The following TNFAIP1 variants were observed in gnomAD, a reference collection of about 807,000 sequenced individuals.
TNFAIP1 encodes TNF alpha induced protein 1, also known as BTB/POZ domain-containing adapter for CUL3-mediated RhoA degradation protein 2.
Under a neutral mutation model 32.6 loss-of-function variants are expected in TNFAIP1, and 20 were observed. The observed-to-expected ratio is 0.61, with a 90% CI of 0.43 to 0.89. The LOEUF is 0.89. TNFAIP1 is among the 40% of genes least tolerant of loss of function. The pLI is 0.00. For synonymous variants in TNFAIP1, 166 were observed against 166.8 expected (o/e 1.00, Z 0.04); for missense variants, 319 against 425.1 (o/e 0.75, Z 2.20).
In TNFAIP1 at chr17:28,340,228, C is replaced by T. The variant is rs1019849940; in HGVS notation, c.206-81C>T. The T allele has an allele frequency of 1.4e-5, 21 of 1,484,008 alleles. No homozygotes were observed. The highest frequency in any genetic ancestry group is 7.0e-5 in the African/African-American group (5 of 71,782). 91.9% of individuals were successfully genotyped at this position (1,484,008 alleles called of 1,614,324 possible). A position where few individuals can be genotyped will look rare whatever the true frequency, so the allele number is the denominator to read the frequency against. On this transcript the variant is annotated intron_variant, in intron 2 of 6. Coordinates refer to ENST00000226225, the MANE Select transcript of TNFAIP1 (RefSeq NM_021137.5). This position sits in a 1 kb window ranked among gnomAD's most constrained non-coding sequence, Gnocchi z 4.1. ...GTGGACCCCCTTCCCTGCCACCTGC[C>T]GCCAGCTTGTCAGGTGGCCTTTGCC... is the stretch of plus-strand genomic sequence containing the variant.
Position 28,339,473 on chromosome 17 carries a change from G to A in TNFAIP1, c.-49G>A. ...TCGTGACCCTTTCCACCACGGCGGA[G>A]CCTTCCAAGCCTACCTCCTGCCGTG... On this transcript the variant is annotated 5_prime_UTR_variant, in exon 2 of 7. Transcript: ENST00000226225. The A allele has an allele frequency of 6.6e-7, 1 of 1,526,390 alleles. No homozygotes were observed. Among genetic ancestry groups the A allele is most frequent in the Non-Finnish European group, 8.8e-7 (1 of 1,136,940 alleles). 94.6% of individuals were successfully genotyped at this position (1,526,390 alleles called of 1,614,324 possible). A position where few individuals can be genotyped will look rare whatever the true frequency, so the allele number is the denominator to read the frequency against.
In TNFAIP1 at chr17:28,340,442, C is replaced by T. The variant is rs1404851494; in HGVS notation, c.339C>T (p.Ile113=). Residue 113 remains isoleucine (I), a synonymous_variant, in exon 3 of 7, where the codon ATC becomes ATT. Coordinates refer to ENST00000226225, the MANE Select transcript of TNFAIP1 (RefSeq NM_021137.5). This position sits in a 1 kb window ranked among gnomAD's most constrained non-coding sequence, Gnocchi z 4.1. ...TGGCTGAAGCAAAGTATTACCTCAT[C>T]CAGGGGCTGGTGAATATGTGCCAGA... The part of the protein sequence containing the change: ...ELMAEAKYYL[I]QGLVNMCQSA... 11 of 1,614,040 alleles carry T rather than the reference C, an allele frequency of 6.8e-6. No homozygotes were observed. The highest frequency in any genetic ancestry group is 9.3e-6 in the Non-Finnish European group (11 of 1,179,986).
chr17:28,341,174 A>AT, intron 3 of TNFAIP1, 63 bp from the exon 4 acceptor site: 2 of 1,580,106 alleles, frequency 1.3e-6, no homozygotes, highest in Non-Finnish European at 1.7e-6. Flanking sequence ...CTCCAGAGGT[A>AT]TACCTCGATA....
chr17:28,338,025 T>C (rs782624174), intron 1 of TNFAIP1, among the ~76,000 whole-genome samples: 2 of 152,252 alleles, frequency 1.3e-5, no homozygotes, highest in South Asian at 2.1e-4. Context: ...AAATTCCTGT[T>C]ATGATGCTTC....
chr17:28,344,864 G>A lies in TNFAIP1; in HGVS notation c.*264G>A, dbSNP rs546563236. On this transcript the variant is annotated 3_prime_UTR_variant, in exon 7 of 7. Transcript: ENST00000226225. ...CGACGGAGCTGCTTCTGCTCCCTGG[G>A]GCATATGGACTGACCCACCTCCTGC... 1.4e-4 allele frequency: 75 copies of A among 528,940 alleles called. No homozygotes were observed. The highest frequency in any genetic ancestry group is 2.2e-4 in the Non-Finnish European group (64 of 290,834). The allele number at this position is 528,940 out of a possible 1,614,324, so 32.8% of individuals were successfully genotyped here.
At chr17:28,337,588 G>A (rs2142381209) in intron 1 of TNFAIP1, among the ~76,000 whole-genome samples, 1 of 152,096 alleles carries the variant, frequency 6.6e-6, no homozygotes, top group South Asian at 2.1e-4. Flanking sequence ...GACTGGTCTT[G>A]AACTCCTGGG....
intron 1 of TNFAIP1, among the ~76,000 whole-genome samples, chr17:28,339,023 GA>G (rs1187064479): frequency 1.6e-4 from 23 of 147,680 alleles, no homozygotes; most frequent in Non-Finnish European, 3.1e-4. Flanking sequence ...CTGCGCTCAG[GA>G]ATTCGAGACC....
Position 28,340,879 on chromosome 17 carries a change from G to A in TNFAIP1, c.376-358G>A, listed in dbSNP as rs536884849. On this transcript the variant is annotated intron_variant, in intron 3 of 6. Transcript: ENST00000226225. This position sits in a 1 kb window ranked among gnomAD's most constrained non-coding sequence, Gnocchi z 4.1. ...CGTGATTTGGCCTTCAGAGTAGCTG[G>A]GAATGCCAGCATGCGCCATGGCACC... 2.9e-4 allele frequency among the ~76,000 whole-genome samples: 44 copies of A among 152,240 alleles called. No homozygotes were observed. The highest frequency in any genetic ancestry group is 5.7e-4 in the Non-Finnish European group (39 of 68,012).
chr17:28,344,447 G>C lies in TNFAIP1; in HGVS notation c.798G>C (p.Leu266Phe). ...CTCCCCGCGTCCCCGACAACTCCTT[G>C]TTGGAGGCCACAAGCCGTAGCCGCA... ...YETPRVPDNSLLEATSRSRSQ... is the reference protein window; with the variant it reads ...YETPRVPDNSFLEATSRSRSQ... The change falls in exon 7 of 7, where the codon TTG becomes TTC. Residue 266 changes from leucine to phenylalanine, a missense_variant. Transcript: ENST00000226225. The C allele has an allele frequency of 6.2e-7, 1 of 1,613,950 alleles. No homozygotes were observed. Among genetic ancestry groups the C allele is most frequent in the Non-Finnish European group, 8.5e-7 (1 of 1,180,030 alleles).
rs1907502551 is a variant in TNFAIP1 at position 28,345,022 on chromosome 17, C to T, written c.*422C>T. 1 of 200,190 alleles carries T rather than the reference C, an allele frequency of 5.0e-6. No homozygotes were observed. Among genetic ancestry groups the T allele is most frequent in the Admixed American group, 5.2e-5 (1 of 19,206 alleles). 12.4% of individuals were successfully genotyped at this position (200,190 alleles called of 1,614,324 possible). ...TCTTTTTTCCTAAGGTGTTTAAGCACAGGCTTGATAAGTTTGGTTTTTAAA... is the reference window on the plus strand; with the variant it reads ...TCTTTTTTCCTAAGGTGTTTAAGCATAGGCTTGATAAGTTTGGTTTTTAAA... On this transcript the variant is annotated 3_prime_UTR_variant, in exon 7 of 7. Transcript: ENST00000226225.
chr17:28,339,729 G>A lies in TNFAIP1; in HGVS notation c.205+3G>A, dbSNP rs763168558. On this transcript the variant is annotated splice_donor_region_variant and intron_variant, in intron 2 of 6. Transcript: ENST00000226225. ...GGAGGTGCTGACCGACAAAGAAGGT[G>A]AGGCACTGGGGCTGCCGCTCGGGGT... 8.7e-6 allele frequency: 14 copies of A among 1,613,198 alleles called. No individual in the cohort carries two copies. The highest frequency in any genetic ancestry group is 1.7e-5 in the Admixed American group (1 of 59,988).
In TNFAIP1 at chr17:28,346,674, T is replaced by G. The variant is rs1907579970; in HGVS notation, c.*2074T>G. On this transcript the variant is annotated 3_prime_UTR_variant, in exon 7 of 7. Coordinates refer to ENST00000226225, the MANE Select transcript of TNFAIP1 (RefSeq NM_021137.5). Reference sequence around the variant, plus strand: ...AATCAGACTTTGTGACTTAAAAGTTTGGGGGTTTTCTTTGAAAGTTTCCAG... The same window carrying G: ...AATCAGACTTTGTGACTTAAAAGTTGGGGGGTTTTCTTTGAAAGTTTCCAG... 2 of 152,206 alleles carry G rather than the reference T, an allele frequency of 1.3e-5. No individual in the cohort carries two copies. The highest frequency in any genetic ancestry group is 6.5e-5 in the Admixed American group (1 of 15,272). The allele number at this position is 152,206 out of a possible 1,614,324, so 9.4% of individuals were successfully genotyped here. A position where few individuals can be genotyped will look rare whatever the true frequency, so the allele number is the denominator to read the frequency against.
chr17:28,345,136 T>G lies in TNFAIP1; in HGVS notation c.*536T>G, dbSNP rs556668726. On this transcript the variant is annotated 3_prime_UTR_variant, in exon 7 of 7. Coordinates refer to ENST00000226225, the MANE Select transcript of TNFAIP1 (RefSeq NM_021137.5). ...CTCCAGGGTGCCAAGACCCTACATA[T>G]GACAGAACCCTTGGCCCTTCTCCAT... 1 of 164,442 alleles carries G rather than the reference T, an allele frequency of 6.1e-6. No homozygotes were observed. Among genetic ancestry groups the G allele is most frequent in the African/African-American group, 2.4e-5 (1 of 41,774 alleles). 10.2% of individuals were successfully genotyped at this position (164,442 alleles called of 1,614,324 possible). A position where few individuals can be genotyped will look rare whatever the true frequency, so the allele number is the denominator to read the frequency against.
intron 1 of TNFAIP1, chr17:28,336,400 A>G (rs371866292): frequency 6.6e-6 from 1 of 152,212 alleles, no homozygotes; most frequent in African/African-American, 2.4e-5. Context: ...GTCACCTGCC[A>G]CAGAATTCCT....
chr17:28,343,701 G>A lies in TNFAIP1; in HGVS notation c.715-663G>A, dbSNP rs532815996. Among the ~76,000 whole-genome samples the A allele has an allele frequency of 5.3e-5, 8 of 151,962 alleles. No individual in the cohort carries two copies. The South Asian group carries it at 1.7e-3, about 32-fold the overall frequency. On this transcript the variant is annotated intron_variant, in intron 6 of 6. Coordinates refer to ENST00000226225, the MANE Select transcript of TNFAIP1 (RefSeq NM_021137.5). Reference sequence around the variant, plus strand: ...GAACTCGTGTGACCCCTCACAACATGCCTGTGAGACACGCAGGGCTAGAGC... The same window carrying A: ...GAACTCGTGTGACCCCTCACAACATACCTGTGAGACACGCAGGGCTAGAGC...
rs1555578777 is a variant in TNFAIP1 at position 28,345,226 on chromosome 17, A to G, written c.*626A>G. ...ATTCAGGAGGTTGATAATCTCCTTGACCCATGTCTTTCTACCCTAATCCCC... is the reference window on the plus strand; with the variant it reads ...ATTCAGGAGGTTGATAATCTCCTTGGCCCATGTCTTTCTACCCTAATCCCC... On this transcript the variant is annotated 3_prime_UTR_variant, in exon 7 of 7. Transcript: ENST00000226225. 1.3e-5 allele frequency: 2 copies of G among 153,382 alleles called. No homozygotes were observed. Among genetic ancestry groups the G allele is most frequent in the African/African-American group, 4.8e-5 (2 of 41,390 alleles). The allele number at this position is 153,382 out of a possible 1,614,324, so 9.5% of individuals were successfully genotyped here. A position where few individuals can be genotyped will look rare whatever the true frequency, so the allele number is the denominator to read the frequency against.
chr17:28,341,522 C>CA (rs1907362966), intron 5 of TNFAIP1, 66 bp downstream of exon 5: 1 of 1,564,902 alleles, frequency 6.4e-7, no homozygotes, highest in Non-Finnish European at 8.8e-7. Context: ...CCTGTACTCC[C>CA]AGCACGGTCG....
At chr17:28,344,196 T>C (rs1370633431) in intron 6 of TNFAIP1, among the ~76,000 whole-genome samples, 168 bp from the exon 7 acceptor site, 3 of 151,990 alleles carry the variant, frequency 2.0e-5, no homozygotes, top group Non-Finnish European at 4.4e-5. Context: ...GTAGAGTACA[T>C]CCCCTCACCC....
Position 28,341,423 on chromosome 17 carries a change from A to G in TNFAIP1, c.485A>G (p.Tyr162Cys). The change falls in exon 5 of 7, where the codon TAC becomes TGC. Residue 162 changes from tyrosine to cysteine, a missense_variant. Transcript: ENST00000226225. ...TCACAGCCCGTGGTGAAGCTGCTGT[A>G]CAACAGAAGCAACAACAAGTATTCC... ...SSTKPVVKLLYNRSNNKYSYT... is the reference protein window; with the variant it reads ...SSTKPVVKLLCNRSNNKYSYT... 1.2e-6 allele frequency: 2 copies of G among 1,614,168 alleles called. No individual in the cohort carries two copies. Among genetic ancestry groups the G allele is most frequent in the Non-Finnish European group, 1.7e-6 (2 of 1,180,014 alleles).
Sources: gnomAD v4.1 joint callset for allele counts (sites outside exome capture counted in the v4.1 genomes callset) on GRCh38, gnomAD v4.1.1 for gene constraint, Gnocchi (gnomAD v3.1) non-coding constraint, MANE v1.5 for transcripts, NCBI Gene and HGNC (gene_info 2026-07-23, HGNC 2026-07-21) for gene names.